The following LRRC7 variants were observed in gnomAD, a reference collection of about 807,000 sequenced individuals.
LRRC7 encodes leucine rich repeat containing 7.
In LRRC7, 23 loss-of-function variants were observed where a neutral mutation model predicts 175.7. The ratio of observed to expected loss-of-function variants is 0.13; its 90% CI spans 0.09 to 0.19. LRRC7 has a LOEUF of 0.19. Ranked by LOEUF, LRRC7 falls within the 10% of genes least tolerant of loss-of-function variation. The pLI is 1.00. For missense variants in LRRC7, 1,354 were observed against 1,904.7 expected, an observed-to-expected ratio of 0.71 and a Z score of 5.38; for synonymous variants, 685 against 680.9, an observed-to-expected ratio of 1.01 and a Z score of -0.09.
intron 23 of LRRC7, among the ~76,000 whole-genome samples, chr1:70,068,668 G>A (rs937489982): frequency 1.3e-5 from 2 of 151,842 alleles, no homozygotes; most frequent in African/African-American, 4.8e-5. Flanking sequence ...AAATAAAGAA[G>A]TATTCTCTCT....
At chr1:69,864,177 T>A (rs1684660224) in intron 7 of LRRC7, among the ~76,000 whole-genome samples, 1 of 152,206 alleles carries the variant, frequency 6.6e-6, no homozygotes, top group Admixed American at 6.5e-5. Flanking sequence ...AAGAAAATAA[T>A]AATAATTTCA....
Position 69,929,965 on chromosome 1 carries a change from C to T in LRRC7, c.648-1542C>T, listed in dbSNP as rs1354278958. ...TAAAATGTCCCTGCTTTAGAATCTC[C>T]ATATTAGCATGCTTTTTCATTTCCT... On this transcript the variant is annotated intron_variant, in intron 7 of 26. Coordinates refer to ENST00000651989, the MANE Select transcript of LRRC7 (RefSeq NM_001370785.2). 2.0e-5 allele frequency among the ~76,000 whole-genome samples: 3 copies of T among 152,212 alleles called. No individual in the cohort carries two copies. In the East Asian group the frequency reaches 5.8e-4, roughly 29 times the overall value.
intron 2 of LRRC7, among the ~76,000 whole-genome samples, chr1:69,697,091 T>G (rs1485386940): frequency 2.0e-5 from 3 of 152,220 alleles, no homozygotes; most frequent in African/African-American, 7.2e-5. Flanking sequence ...CATTCTCTAT[T>G]TCATGGCTAT....
intron 3 of LRRC7, among the ~76,000 whole-genome samples, chr1:69,786,775 G>C (rs547750259): frequency 1.3e-5 from 2 of 152,248 alleles, no homozygotes; most frequent in Admixed American, 6.5e-5. Flanking sequence ...CAACACGTGG[G>C]AATTATGGGA....
chr1:70,054,896 C>G (rs974847240), intron 23 of LRRC7, among the ~76,000 whole-genome samples: 6 of 151,962 alleles, frequency 3.9e-5, no homozygotes. Flanking sequence ...GGCCTACACT[C>G]TACTTTCTAA....
At chr1:69,631,110 A>G (rs940434163) in intron 1 of LRRC7, among the ~76,000 whole-genome samples, 2 of 152,140 alleles carry the variant, frequency 1.3e-5, no homozygotes, top group African/African-American at 4.8e-5. Context: ...TGTACAGATC[A>G]AATCAGGGTA....
At chr1:69,823,670 C>G (rs904372622) in intron 4 of LRRC7, among the ~76,000 whole-genome samples, 1 of 152,056 alleles carries the variant, frequency 6.6e-6, no homozygotes, top group South Asian at 2.1e-4. Flanking sequence ...AAATTTTATA[C>G]GTTTATACCT....
At chr1:69,949,002 A>G (rs1376475911) in intron 8 of LRRC7, among the ~76,000 whole-genome samples, 1 of 152,074 alleles carries the variant, frequency 6.6e-6, no homozygotes, top group Admixed American at 6.6e-5. Flanking sequence ...AACTGTCTAG[A>G]AATCTTTCAG....
chr1:69,954,902 G>A (rs1052759723), intron 8 of LRRC7, among the ~76,000 whole-genome samples: 3 of 152,022 alleles, frequency 2.0e-5, no homozygotes, highest in Admixed American at 2.0e-4. Flanking sequence ...TCTACTGCTT[G>A]CAAAGCTATA....
At chr1:69,609,471 GA>G (rs1191711525) in intron 1 of LRRC7, among the ~76,000 whole-genome samples, 1 of 151,616 alleles carries the variant, frequency 6.6e-6, no homozygotes, top group Non-Finnish European at 1.5e-5. Context: ...AAGGAAGAAA[GA>G]AAAAAATAAA....
In LRRC7 at chr1:70,053,132, C is replaced by A. The variant is rs1329722559; in HGVS notation, c.4217C>A (p.Thr1406Asn). The change falls in exon 23 of 27, where the codon ACC becomes AAC. Residue 1406 changes from threonine (T) to asparagine (N), a missense_variant. Around this residue, in one of 4 missense-constraint regions of LRRC7, gnomAD observed 1,032 missense variants for 1,227.2 expected, o/e 0.84. Transcript: ENST00000651989. ...GGGAGGCGGGATGTACCTCCGGACA[C>A]CATTACTAAGAAGGTAACCAATTTT... is the stretch of plus-strand genomic sequence containing the variant. ...PLGRRDVPPD[T>N]ITKKAGSHIQ... The A allele has an allele frequency of 1.9e-6, 3 of 1,606,406 alleles. No homozygotes were observed. Among genetic ancestry groups the A allele is most frequent in the East Asian group, 4.5e-5 (2 of 44,520 alleles).
chr1:70,104,211 C>T (rs1368642880), intron 25 of LRRC7, among the ~76,000 whole-genome samples: 1 of 152,192 alleles, frequency 6.6e-6, no homozygotes, highest in East Asian at 1.9e-4. Flanking sequence ...ACTCTGTCAT[C>T]AGTGCCAAAG....
intron 2 of LRRC7, among the ~76,000 whole-genome samples, chr1:69,702,947 C>A (rs1271551454): frequency 4.0e-5 from 6 of 151,896 alleles, no homozygotes. Context: ...GATGTGTTTT[C>A]CTCTCCTAGG....
chr1:70,039,866 T>A, intron 21 of LRRC7, 73 bp downstream of exon 21: 1 of 1,496,286 alleles, frequency 6.7e-7, no homozygotes, highest in South Asian at 1.4e-5. Context: ...TCTAAGCACA[T>A]GTAGTGAAGC....
chr1:69,603,591 G>T (rs1170229316), intron 1 of LRRC7, among the ~76,000 whole-genome samples: 1 of 152,000 alleles, frequency 6.6e-6, no homozygotes, highest in Non-Finnish European at 1.5e-5. Flanking sequence ...TATACAAATA[G>T]GATATCTGTT....
intron 8 of LRRC7, among the ~76,000 whole-genome samples, chr1:69,960,461 G>T (rs1227536913): frequency 2.0e-5 from 3 of 151,936 alleles, no homozygotes; most frequent in Non-Finnish European, 4.4e-5. Context: ...CTTCCAAATG[G>T]TTTGTCCCTT....
rs757203769 is a variant in LRRC7, at chr1:70,038,232, C to G, written c.2408C>G (p.Thr803Ser). The G allele has an allele frequency of 4.3e-6, 7 of 1,614,178 alleles. No individual in the cohort carries two copies. Among genetic ancestry groups the G allele is most frequent in the Non-Finnish European group, 5.1e-6 (6 of 1,180,022 alleles). ...CGGCTGCCCATGAGTGATACTTTCA[C>G]TGACAACTGGACTGATGGCTCGCAT... is the stretch of plus-strand genomic sequence containing the variant. ...PDRLPMSDTF[T>S]DNWTDGSHYD... Residue 803 changes from threonine to serine, a missense_variant, in exon 21 of 27, where the codon ACT becomes AGT. By Grantham distance (58) the Thr-to-Ser change is moderately conservative. Transcript: ENST00000651989.
chr1:69,915,627 AT>A (rs541988074), intron 7 of LRRC7, among the ~76,000 whole-genome samples: 12 of 152,162 alleles, frequency 7.9e-5, no homozygotes, highest in African/African-American at 2.9e-4. Flanking sequence ...GAAGCGTAAC[AT>A]TTTTTTCAAC....
intron 1 of LRRC7, among the ~76,000 whole-genome samples, chr1:69,668,060 A>G (rs768752800): frequency 2.6e-5 from 4 of 152,134 alleles, no homozygotes; most frequent in Non-Finnish European, 5.9e-5. Context: ...CAACAACACT[A>G]TTTGCAAAAA....
Sources: allele counts gnomAD v4.1 joint callset (sites outside exome capture counted in the v4.1 genomes callset), GRCh38; gene constraint gnomAD v4.1.1; regional missense constraint gnomAD v4.1.1; transcripts MANE v1.5; gene names NCBI Gene and HGNC (gene_info 2026-07-23, HGNC 2026-07-21).